The following CSGALNACT1 variants were observed in gnomAD, a reference collection of about 807,000 sequenced individuals.
The protein encoded by CSGALNACT1 is chondroitin sulfate N-acetylgalactosaminyltransferase 1.
In CSGALNACT1, 52 loss-of-function variants were observed where a neutral mutation model predicts 51.0. That is an observed-to-expected ratio of 1.02 (90% confidence interval 0.82 to 1.29). The LOEUF (loss-of-function observed/expected upper bound fraction) is 1.29, where lower values mean the gene tolerates loss of function less well. Among genes scored for constraint, CSGALNACT1 ranks in the 50% most tolerant of loss-of-function variants. The pLI, the probability that CSGALNACT1 is intolerant of heterozygous loss-of-function variation, is 0.00. For missense variants in CSGALNACT1, 935 were observed against 679.2 expected (o/e 1.38, Z -4.19); for synonymous variants, 341 against 254.4 (o/e 1.34, Z -3.24).
intron 1 of CSGALNACT1, among the ~76,000 whole-genome samples, chr8:19,665,273 C>G (rs1564379575): frequency 6.6e-6 from 1 of 152,128 alleles, no homozygotes; most frequent in East Asian, 1.9e-4. Flanking sequence ...TCAAAATATA[C>G]TGATAGGTAA....
chr8:19,621,302 T>G (rs2053795304), intron 1 of CSGALNACT1, among the ~76,000 whole-genome samples: 7 of 152,152 alleles, frequency 4.6e-5, no homozygotes, highest in Admixed American at 3.9e-4. Flanking sequence ...AATCTTGAAT[T>G]TTGTACACAA....
intron 1 of CSGALNACT1, among the ~76,000 whole-genome samples, chr8:19,636,018 G>T (rs2979874): frequency 0.61 from 92,545 of 152,070 alleles, 28,773 homozygotes; most frequent in Middle Eastern, 0.72. Flanking sequence ...GCATGAGCCT[G>T]TTCATTCATT....
At chr8:19,543,933 G>T (rs921659955) in intron 3 of CSGALNACT1, among the ~76,000 whole-genome samples, 2 of 152,120 alleles carry the variant, frequency 1.3e-5, no homozygotes, top group East Asian at 1.9e-4. Context: ...TTCTAAAGAG[G>T]AAAAGACGGT....
At chr8:19,644,639 G>A (rs544026449) in intron 1 of CSGALNACT1, among the ~76,000 whole-genome samples, 1 of 149,804 alleles carries the variant, frequency 6.7e-6, no homozygotes, top group Non-Finnish European at 1.5e-5. Flanking sequence ...GAACCCGGGA[G>A]GCAGAGGTTG....
At chr8:19,677,914 A>T (rs1220989301) in intron 1 of CSGALNACT1, among the ~76,000 whole-genome samples, 1 of 152,126 alleles carries the variant, frequency 6.6e-6, no homozygotes, top group African/African-American at 2.4e-5. Flanking sequence ...TTTTTCAATA[A>T]AACAATTACT....
chr8:19,540,599 T>C (rs1370465408), intron 3 of CSGALNACT1, among the ~76,000 whole-genome samples: 1 of 152,220 alleles, frequency 6.6e-6, no homozygotes, highest in African/African-American at 2.4e-5. Flanking sequence ...AATGTCTTAA[T>C]GTGGTGGGCC....
intron 5 of CSGALNACT1, among the ~76,000 whole-genome samples, chr8:19,453,156 T>C (rs1312667501): frequency 6.6e-6 from 1 of 151,826 alleles, no homozygotes; most frequent in African/African-American, 2.4e-5. Context: ...AGAGAAAAAA[T>C]GGGTCTGAAA....
At chr8:19,638,610 G>A (rs1002048622) in intron 1 of CSGALNACT1, among the ~76,000 whole-genome samples, 13 of 152,088 alleles carry the variant, frequency 8.5e-5, no homozygotes, top group Middle Eastern at 3.4e-3. Flanking sequence ...AAATAAAATC[G>A]AAATGCACAA....
intron 4 of CSGALNACT1, among the ~76,000 whole-genome samples, chr8:19,485,097 A>G (rs1410671195): frequency 6.6e-6 from 1 of 152,202 alleles, no homozygotes; most frequent in Non-Finnish European, 1.5e-5. Flanking sequence ...CCCAAGTCAT[A>G]TAATACAACC....
At chr8:19,443,892 G>A (rs1563425055) in intron 5 of CSGALNACT1, among the ~76,000 whole-genome samples, 1 of 152,166 alleles carries the variant, frequency 6.6e-6, no homozygotes, top group Non-Finnish European at 1.5e-5. Context: ...GGTGGGGGTG[G>A]AGGTGGGCTT....
chr8:19,722,740 A>T (rs1228583904), intron 1 of CSGALNACT1, among the ~76,000 whole-genome samples: 1 of 152,198 alleles, frequency 6.6e-6, no homozygotes, highest in Non-Finnish European at 1.5e-5. Flanking sequence ...AGAGACTCAC[A>T]TTAACCAAGC....
intron 6 of CSGALNACT1, among the ~76,000 whole-genome samples, chr8:19,430,279 G>A (rs937258020): frequency 6.6e-6 from 1 of 152,118 alleles, no homozygotes; most frequent in Non-Finnish European, 1.5e-5. Context: ...CTAATCCAAG[G>A]TCATGAAGAC....
chr8:19,634,728 G>C (rs1421510740), intron 1 of CSGALNACT1, among the ~76,000 whole-genome samples: 1 of 152,126 alleles, frequency 6.6e-6, no homozygotes, highest in African/African-American at 2.4e-5. Context: ...GAGACACAGA[G>C]AGAAGGCAGT....
intron 3 of CSGALNACT1, among the ~76,000 whole-genome samples, chr8:19,589,134 G>A (rs942838828): frequency 1.3e-5 from 2 of 152,088 alleles, no homozygotes; most frequent in Non-Finnish European, 2.9e-5. Context: ...GATTGTCTAG[G>A]GTGTTATGAT....
chr8:19,716,612 CAAAAAAAAAAAAAAA>C (rs60464594), intron 1 of CSGALNACT1, among the ~76,000 whole-genome samples: 5 of 41,966 alleles, frequency 1.2e-4, no homozygotes, highest in South Asian at 1.5e-3. Context: ...ACCCTCTCTA[CAAAAAAAAAAAAAAA>C]AAAAAAAAAA....
intron 3 of CSGALNACT1, among the ~76,000 whole-genome samples, chr8:19,526,502 G>A (rs984679514): frequency 1.8e-4 from 28 of 152,158 alleles, no homozygotes; most frequent in African/African-American, 6.8e-4. Flanking sequence ...ATAATCACTT[G>A]AACCTGGGAG....
chr8:19,634,575 T>C (rs1278465771), intron 1 of CSGALNACT1, among the ~76,000 whole-genome samples: 1 of 152,126 alleles, frequency 6.6e-6, no homozygotes, highest in African/African-American at 2.4e-5. Flanking sequence ...CATGGGTGGA[T>C]CACTTGAGCC....
At chr8:19,404,855 T>C (rs552767957) in exon 10 of CSGALNACT1, 25 of 454,564 alleles carry the variant, frequency 5.5e-5, no homozygotes, top group African/African-American at 4.8e-4. Flanking sequence ...TTTCCTCCAG[T>C]GTTCAGTTGC....
At chr8:19,607,027 C>T (rs80244794), upstream of CSGALNACT1, among the ~76,000 whole-genome samples, 3 of 151,896 alleles carry the variant, frequency 2.0e-5, no homozygotes, top group Non-Finnish European at 4.4e-5. Flanking sequence ...TGGTGGCAGG[C>T]GCCTGTAGTC....
Sources: gnomAD v4.1 joint callset for allele counts (sites outside exome capture counted in the v4.1 genomes callset) on GRCh38, gnomAD v4.1.1 for gene constraint, MANE v1.5 for transcripts, NCBI Gene and HGNC (gene_info 2026-07-23, HGNC 2026-07-21) for gene names.